Variants in ADAM23 observed in about 807,000 individuals in gnomAD.
ADAM23 encodes disintegrin and metalloproteinase domain-containing protein 23.
In ADAM23, 33 loss-of-function variants were observed where a neutral mutation model predicts 120.1. That is an observed-to-expected ratio of 0.27 (90% CI 0.21 to 0.37). The LOEUF (loss-of-function observed/expected upper bound fraction) is 0.37, where lower values mean the gene tolerates loss of function less well. Ranked by LOEUF, ADAM23 falls within the 10% of genes least tolerant of loss-of-function variation. The pLI is 1.00. For synonymous variants in ADAM23, 367 were observed against 375.2 expected, an observed-to-expected ratio of 0.98 and a Z score of 0.25; for missense variants, 862 against 1,058.2, an observed-to-expected ratio of 0.81 and a Z score of 2.57.
Position 206,605,046 on chromosome 2 carries a change from C to T in ADAM23, c.2360-4864C>T, listed in dbSNP as rs1010558454. Among the ~76,000 whole-genome samples, 8 of 152,168 alleles carry T rather than the reference C, an allele frequency of 5.3e-5. No individual in the cohort carries two copies. In the East Asian group the frequency reaches 1.5e-3, roughly 29 times the overall value. ...TGGGGACCTCCACTCATTCCAGGCC[C>T]ATTTTCCAGGATTGGAAAGCTGTAC... On this transcript the variant is annotated intron_variant, in intron 24 of 25. Coordinates refer to ENST00000264377, the MANE Select transcript of ADAM23 (RefSeq NM_003812.4).
intron 4 of ADAM23, among the ~76,000 whole-genome samples, chr2:206,537,822 T>C (rs1437532377): frequency 6.6e-6 from 1 of 152,190 alleles, no homozygotes; most frequent in East Asian, 1.9e-4. Context: ...TTAAAAAGTT[T>C]CTTACCACTG....
At chr2:206,507,339 C>T (rs1447521703) in intron 3 of ADAM23, among the ~76,000 whole-genome samples, 2 of 152,024 alleles carry the variant, frequency 1.3e-5, no homozygotes, top group African/African-American at 4.8e-5. Context: ...ACTGTATCCC[C>T]CTGGGTACTG....
intron 2 of ADAM23, among the ~76,000 whole-genome samples, chr2:206,473,992 A>G (rs911167334): frequency 2.2e-4 from 33 of 150,734 alleles, no homozygotes; most frequent in African/African-American, 6.6e-4. Context: ...AACTTGGGCA[A>G]CAGAGTGAGA....
chr2:206,598,231 A>C (rs1311760479), intron 24 of ADAM23, among the ~76,000 whole-genome samples: 1 of 152,074 alleles, frequency 6.6e-6, no homozygotes, highest in Non-Finnish European at 1.5e-5. Flanking sequence ...TAAGATCTAG[A>C]TGCTATTTCC....
At chr2:206,589,363 CAAAG>C (rs1347557494) in intron 20 of ADAM23, 42 bp from the exon 21 acceptor site, 1 of 1,536,864 alleles carries the variant, frequency 6.5e-7, no homozygotes, top group Non-Finnish European at 8.9e-7. Flanking sequence ...TTATGGATAA[CAAAG>C]AAAATGAAAA....
At chr2:206,605,957 G>A (rs1698721286) in intron 24 of ADAM23, 1 of 593,418 alleles carries the variant, frequency 1.7e-6, no homozygotes, top group Non-Finnish European at 3.0e-6. Flanking sequence ...CTGACTCCAT[G>A]TCTCGTCCTG....
intron 13 of ADAM23, among the ~76,000 whole-genome samples, chr2:206,564,221 T>C (rs572638548): frequency 7.6e-4 from 115 of 151,678 alleles, no homozygotes; most frequent in Non-Finnish European, 1.1e-3. Context: ...TCTATCGATA[T>C]ATCGATAGAG....
chr2:206,521,019 G>C (rs866805471), intron 3 of ADAM23, among the ~76,000 whole-genome samples: 39 of 151,828 alleles, frequency 2.6e-4, no homozygotes, highest in African/African-American at 8.2e-4. Context: ...TCTCTTTCCT[G>C]CCCATATTTC....
At chr2:206,589,352 G>A (rs1484955233) in intron 20 of ADAM23, 57 bp from the exon 21 acceptor site, 2 of 1,467,930 alleles carry the variant, frequency 1.4e-6, no homozygotes, top group East Asian at 4.8e-5. Flanking sequence ...CACACTACTG[G>A]TTATGGATAA....
chr2:206,516,566 T>C (rs1486844270), intron 3 of ADAM23, among the ~76,000 whole-genome samples: 1 of 152,076 alleles, frequency 6.6e-6, no homozygotes, highest in Non-Finnish European at 1.5e-5. Flanking sequence ...TGTCTTCATA[T>C]GGTAGAGAGA....
chr2:206,487,953 C>T (rs1655273558), intron 3 of ADAM23, among the ~76,000 whole-genome samples: 2 of 152,184 alleles, frequency 1.3e-5, no homozygotes, highest in South Asian at 2.1e-4. Flanking sequence ...AAGGTAGTTT[C>T]GGATTTAGGA....
chr2:206,520,985 CAGT>C (rs1465787839), intron 3 of ADAM23, among the ~76,000 whole-genome samples: 2 of 152,012 alleles, frequency 1.3e-5, no homozygotes, highest in African/African-American at 4.8e-5. Context: ...GATTTGTACA[CAGT>C]GGTCCCTGTC....
At chr2:206,559,782 T>C (rs1446668963) in intron 10 of ADAM23, among the ~76,000 whole-genome samples, 173 bp from the exon 11 acceptor site, 2 of 152,176 alleles carry the variant, frequency 1.3e-5, no homozygotes, top group Non-Finnish European at 1.5e-5. Context: ...TGTTCTTTCT[T>C]TATTTTTGCT....
At chr2:206,555,197 T>G (rs1697619040) in intron 9 of ADAM23, among the ~76,000 whole-genome samples, 1 of 152,146 alleles carries the variant, frequency 6.6e-6, no homozygotes, top group African/African-American at 2.4e-5. Context: ...GATATCTCTA[T>G]TTTAGTGTTG....
chr2:206,614,415 C>CAGCACTTCGGT (rs3836087), intron 25 of ADAM23, among the ~76,000 whole-genome samples: 2 of 151,786 alleles, frequency 1.3e-5, no homozygotes, highest in African/African-American at 2.4e-5. Context: ...CCTGTAATCC[C>CAGCACTTCGGT]AGGCTGAGGT....
At chr2:206,532,703 G>A (rs11684688) in intron 4 of ADAM23, among the ~76,000 whole-genome samples, 41,767 of 151,772 alleles carry the variant, frequency 0.28, 5,920 homozygotes, top group South Asian at 0.32. Flanking sequence ...AAATATTTTA[G>A]CATATATTAA....
In ADAM23 at chr2:206,557,477, C is replaced by T. The variant is rs776991074; in HGVS notation, c.984C>T (p.Ser328=). 1.5e-5 allele frequency: 24 copies of T among 1,613,320 alleles called. No individual in the cohort carries two copies. Among genetic ancestry groups the T allele is most frequent in the South Asian group, 3.3e-5 (3 of 91,060 alleles). Residue 328 remains serine, a synonymous_variant, in exon 10 of 26, where the codon TCC becomes TCT. Transcript: ENST00000264377. ...CACATACCAACAACTTTGCAAAGTC[C>T]GTGGTCAACCTTGTGGATTCTGTAA... ...SHAHTNNFAK[S]VVNLVDSIYK...
chr2:206,491,705 G>A (rs962432336), intron 3 of ADAM23, among the ~76,000 whole-genome samples: 7 of 152,200 alleles, frequency 4.6e-5, no homozygotes, highest in Non-Finnish European at 1.0e-4. Context: ...TTACTGAAAT[G>A]AGATCTTACC....
chr2:206,609,892 C>T lies in ADAM23; in HGVS notation c.2360-18C>T. On this transcript the variant is annotated intron_variant, in intron 24 of 25. Coordinates refer to ENST00000264377, the MANE Select transcript of ADAM23 (RefSeq NM_003812.4). Reference sequence around the variant, plus strand: ...TGGTTGGTTCATATGACTCTCTTCCCATGATCCTTTGTCACAGGTCCTAGT... The same window carrying T: ...TGGTTGGTTCATATGACTCTCTTCCTATGATCCTTTGTCACAGGTCCTAGT... 6.3e-7 allele frequency: 1 copy of T among 1,589,984 alleles called. No homozygotes were observed. The highest frequency in any genetic ancestry group is 1.2e-5 in the South Asian group (1 of 86,376).
Sources: gnomAD v4.1 joint callset for allele counts (sites outside exome capture counted in the v4.1 genomes callset) on GRCh38, gnomAD v4.1.1 for gene constraint, MANE v1.5 for transcripts, NCBI Gene and HGNC (gene_info 2026-07-23, HGNC 2026-07-21) for gene names.